KCNG3: variants seen among roughly 807,000 people sequenced by gnomAD.
KCNG3 encodes potassium voltage-gated channel modifier subfamily G member 3, also known as voltage-gated potassium channel regulatory subunit KCNG3.
Under a neutral mutation model 29.0 loss-of-function variants are expected in KCNG3, and 15 were observed. The observed-to-expected ratio is 0.52, with a 90% CI of 0.35 to 0.80. KCNG3 has a LOEUF of 0.80. Ranked by LOEUF, KCNG3 falls within the 30% of genes least tolerant of loss-of-function variation. KCNG3 has a pLI of 0.01. For missense variants in KCNG3, 512 were observed against 605.7 expected, an observed-to-expected ratio of 0.85 and a Z score of 1.62; for synonymous variants, 322 against 248.9, an observed-to-expected ratio of 1.29 and a Z score of -2.76.
intron 1 of KCNG3, among the ~76,000 whole-genome samples, chr2:42,472,602 C>T (rs976659311): frequency 3.3e-5 from 5 of 151,208 alleles, no homozygotes; most frequent in Admixed American, 1.3e-4. Flanking sequence ...TGGGTTCCAG[C>T]GATTCTCCAC....
At position 42,455,924 on chromosome 2, in the gene KCNG3, T is replaced by C. The variant is rs1466609961; in HGVS notation, c.666-11345A>G. On this transcript the variant is annotated intron_variant, in intron 1 of 1. Transcript: ENST00000306078. ...AAAATAATAATTATATACATATAGT[T>C]ATTATATACCTATAATATGTGCATA... 2.0e-5 allele frequency among the ~76,000 whole-genome samples: 3 copies of C among 149,610 alleles called. No homozygotes were observed. The Admixed American group carries it at 2.0e-4, about 10-fold the overall frequency.
At chr2:42,403,175 C>T in the KCNG3 span, among the ~76,000 whole-genome samples, 6 of 152,212 alleles carry the variant, frequency 3.9e-5, no homozygotes, top group Admixed American at 1.3e-4. Flanking sequence ...GGGTCTCACT[C>T]TGCCACCTAG....
intron 1 of KCNG3, among the ~76,000 whole-genome samples, chr2:42,450,817 C>T (rs1672729808): frequency 6.6e-6 from 1 of 151,760 alleles, no homozygotes; most frequent in African/African-American, 2.4e-5. Context: ...TAAGAAGCTG[C>T]AATTACACAG....
At chr2:42,473,572 A>G (rs1673346171) in intron 1 of KCNG3, among the ~76,000 whole-genome samples, 1 of 149,642 alleles carries the variant, frequency 6.7e-6, no homozygotes, top group Non-Finnish European at 1.5e-5. Context: ...CTGGTCTCGA[A>G]CTCCTGACCT....
At chr2:42,470,190 G>T in intron 1 of KCNG3, 1 of 419,522 alleles carries the variant, frequency 2.4e-6, no homozygotes, top group South Asian at 2.8e-5. Flanking sequence ...CATTTGGCTT[G>T]ATATTATAAG....
chr2:42,428,368 G>A, the KCNG3 span, among the ~76,000 whole-genome samples: 2 of 150,314 alleles, frequency 1.3e-5, no homozygotes, highest in East Asian at 4.0e-4. Context: ...GGCTGAGGCA[G>A]GAGAATCCCC....
chr2:42,449,662 C>T (rs1040511886), intron 1 of KCNG3, among the ~76,000 whole-genome samples: 9 of 151,928 alleles, frequency 5.9e-5, no homozygotes, highest in African/African-American at 1.2e-4. Context: ...GGATTACAGG[C>T]GCGCACCACC....
At chr2:42,424,113 C>T in the KCNG3 span, among the ~76,000 whole-genome samples, 2 of 152,196 alleles carry the variant, frequency 1.3e-5, no homozygotes, top group African/African-American at 2.4e-5. Flanking sequence ...ATTCTACTTT[C>T]TGCAAAGTAA....
intron 1 of KCNG3, among the ~76,000 whole-genome samples, chr2:42,489,986 C>A (rs1673831011): frequency 6.6e-6 from 1 of 152,220 alleles, no homozygotes; most frequent in Non-Finnish European, 1.5e-5. Flanking sequence ...CTCCAAATCA[C>A]AGAACACATG....
chr2:42,421,992 T>C, the KCNG3 span, among the ~76,000 whole-genome samples: 8 of 152,198 alleles, frequency 5.3e-5, no homozygotes, highest in African/African-American at 1.7e-4. Context: ...TGAGAAGCCA[T>C]TGTTAATCTG....
At chr2:42,389,472 G>T in the KCNG3 span, among the ~76,000 whole-genome samples, 1 of 152,172 alleles carries the variant, frequency 6.6e-6, no homozygotes, top group Non-Finnish European at 1.5e-5. Flanking sequence ...CATTTCTAAA[G>T]ATTTTAATGA....
chr2:42,405,732 C>T, the KCNG3 span, among the ~76,000 whole-genome samples: 3 of 152,100 alleles, frequency 2.0e-5, no homozygotes, highest in Non-Finnish European at 2.9e-5. Context: ...CTCAGCCTCC[C>T]AAGTAGCTGG....
the KCNG3 span, among the ~76,000 whole-genome samples, chr2:42,433,687 G>A: frequency 6.6e-6 from 1 of 152,142 alleles, no homozygotes; most frequent in Non-Finnish European, 1.5e-5. Flanking sequence ...GCAGTGAGCT[G>A]TGATGGTGCC....
At chr2:42,439,277 A>T (rs1008867581), downstream of KCNG3, among the ~76,000 whole-genome samples, 15 of 151,146 alleles carry the variant, frequency 9.9e-5, no homozygotes, top group African/African-American at 3.6e-4. Context: ...GATTTTTTTG[A>T]GAGAGAGAGA....
chr2:42,435,235 G>A, the KCNG3 span, among the ~76,000 whole-genome samples: 7 of 151,816 alleles, frequency 4.6e-5, no homozygotes, highest in African/African-American at 1.2e-4. Context: ...CCAGGGAGGC[G>A]GAGGTTGCAG....
chr2:42,487,106 G>C (rs1673744247), intron 1 of KCNG3, among the ~76,000 whole-genome samples: 1 of 145,128 alleles, frequency 6.9e-6, no homozygotes, highest in Admixed American at 7.1e-5. Context: ...GCAGTGAGCT[G>C]AGATCGTGCC....
intron 1 of KCNG3, among the ~76,000 whole-genome samples, chr2:42,457,155 G>A (rs200359025): frequency 6.6e-6 from 1 of 151,888 alleles, no homozygotes; most frequent in African/African-American, 2.4e-5. Flanking sequence ...GTTTTGTTAT[G>A]ATCCCCACCT....
intron 1 of KCNG3, among the ~76,000 whole-genome samples, chr2:42,487,077 A>C (rs1389370353): frequency 1.3e-5 from 2 of 150,778 alleles, no homozygotes; most frequent in Non-Finnish European, 3.0e-5. Context: ...GAATCGCTTG[A>C]ACCCAGGAGG....
chr2:42,477,214 A>C (rs1375704191), intron 1 of KCNG3, among the ~76,000 whole-genome samples: 1 of 150,722 alleles, frequency 6.6e-6, no homozygotes, highest in Admixed American at 6.6e-5. Flanking sequence ...GAAAAAAAAA[A>C]GTACTGATTA....
Sources: gnomAD v4.1 joint callset for allele counts (sites outside exome capture counted in the v4.1 genomes callset) on GRCh38, gnomAD v4.1.1 for gene constraint, MANE v1.5 for transcripts, NCBI Gene and HGNC (gene_info 2026-07-23, HGNC 2026-07-21) for gene names.